The following SPSB1 variants were observed in gnomAD, a reference collection of about 807,000 sequenced individuals.
SPSB1 encodes the protein SPRY domain-containing SOCS box protein 1.
In SPSB1, 8 loss-of-function variants were observed where a neutral mutation model predicts 21.2. The observed-to-expected ratio is 0.38, with a 90% CI of 0.22 to 0.68. The LOEUF (loss-of-function observed/expected upper bound fraction) is 0.68. SPSB1 is among the 30% of genes least tolerant of loss of function. The pLI, the probability that SPSB1 is intolerant of heterozygous loss-of-function variation, is 0.53. For synonymous variants in SPSB1, 169 were observed against 161.7 expected (o/e 1.05, Z -0.34); for missense variants, 242 against 377.8 (o/e 0.64, Z 2.98).
At position 9,367,805 on chromosome 1, in the gene SPSB1, C is replaced by A; in HGVS notation, c.*230C>A. 2 of 623,600 alleles carry A rather than the reference C, an allele frequency of 3.2e-6. No individual in the cohort carries two copies. Among genetic ancestry groups the A allele is most frequent in the Non-Finnish European group, 5.5e-6 (2 of 364,872 alleles). The allele number at this position is 623,600 out of a possible 1,614,324, so 38.6% of individuals were successfully genotyped here. On this transcript the variant is annotated 3_prime_UTR_variant, in exon 3 of 3. Transcript: ENST00000328089. The surrounding 1 kb of genome is among the most constrained non-coding windows in gnomAD (Gnocchi z 5.9). ...AGCAGAAGGCAGCATCCCTGCATGCCGTCCGTATACAACCCCTCTTTGAAA... is the reference window on the plus strand; with the variant it reads ...AGCAGAAGGCAGCATCCCTGCATGCAGTCCGTATACAACCCCTCTTTGAAA...
At chr1:9,339,160 A>G (rs904439791) in intron 1 of SPSB1, 8 of 967,342 alleles carry the variant, frequency 8.3e-6, no homozygotes, top group South Asian at 4.8e-5. Context: ...TCCTGCCCTC[A>G]CCCCTCTTCT....
At chr1:9,358,855 G>A (rs959414429) in intron 2 of SPSB1, among the ~76,000 whole-genome samples, 18 of 152,204 alleles carry the variant, frequency 1.2e-4, no homozygotes, top group African/African-American at 4.3e-4. Flanking sequence ...GAGTGGCTGG[G>A]AGGGGACTGG....
intron 1 of SPSB1, among the ~76,000 whole-genome samples, chr1:9,323,286 G>A (rs1004439042): frequency 1.3e-5 from 2 of 152,252 alleles, no homozygotes; most frequent in East Asian, 1.9e-4. Flanking sequence ...GAGGGGGGCT[G>A]TGGCTCCACT....
In SPSB1 at chr1:9,293,372, C is replaced by G. The variant is rs1302505680; in HGVS notation, c.-150+301C>G. On this transcript the variant is annotated intron_variant, in intron 1 of 2. Transcript: ENST00000328089. This position sits in a 1 kb window ranked among gnomAD's most constrained non-coding sequence, Gnocchi z 5.1. ...CCGGGGCGAGGCGCGGCGGGGGTCT[C>G]GGGGCGCGGGGACCGTCGCAACGAG... Among the ~76,000 whole-genome samples, 1 of 150,008 alleles carries G rather than the reference C, an allele frequency of 6.7e-6. No homozygotes were observed. Among genetic ancestry groups the G allele is most frequent in the East Asian group, 2.0e-4 (1 of 5,014 alleles).
chr1:9,325,889 G>A (rs1194222941), intron 1 of SPSB1, among the ~76,000 whole-genome samples: 1 of 152,152 alleles, frequency 6.6e-6, no homozygotes, highest in African/African-American at 2.4e-5. Context: ...CCAGGCAGAG[G>A]ACTTGGGAAG....
intron 1 of SPSB1, among the ~76,000 whole-genome samples, chr1:9,340,528 T>C (rs1285955557): frequency 6.6e-6 from 1 of 152,192 alleles, no homozygotes; most frequent in Non-Finnish European, 1.5e-5. Context: ...CTTGGGACCA[T>C]GTTAGAAATA....
chr1:9,357,368 G>A (rs1379578891), intron 2 of SPSB1, among the ~76,000 whole-genome samples: 1 of 152,214 alleles, frequency 6.6e-6, no homozygotes, highest in Non-Finnish European at 1.5e-5. Context: ...TAAATGGATA[G>A]ATGGATGAAT....
chr1:9,358,004 G>C (rs1640402575), intron 2 of SPSB1, among the ~76,000 whole-genome samples: 2 of 152,260 alleles, frequency 1.3e-5, no homozygotes, highest in African/African-American at 4.8e-5. Context: ...CACCCTGCAG[G>C]CCAGGCAAGA....
At chr1:9,318,392 C>T (rs147841390) in intron 1 of SPSB1, among the ~76,000 whole-genome samples, 9 of 152,352 alleles carry the variant, frequency 5.9e-5, no homozygotes, top group African/African-American at 9.6e-5. Flanking sequence ...GGCTGCCTTG[C>T]GGACAGACAG....
chr1:9,329,630 T>C (rs1242320267), intron 1 of SPSB1, among the ~76,000 whole-genome samples: 2 of 141,558 alleles, frequency 1.4e-5, no homozygotes, highest in Non-Finnish European at 3.1e-5. Context: ...GATGGGGAGG[T>C]TGCAGTGAGC....
intron 1 of SPSB1, among the ~76,000 whole-genome samples, chr1:9,314,725 C>T (rs935641483): frequency 2.0e-5 from 3 of 152,150 alleles, no homozygotes; most frequent in African/African-American, 7.2e-5. Context: ...TACCTTATTC[C>T]CAGGGGACAC....
intron 1 of SPSB1, among the ~76,000 whole-genome samples, chr1:9,315,005 A>C (rs1639586430): frequency 6.6e-6 from 1 of 152,208 alleles, no homozygotes; most frequent in African/African-American, 2.4e-5. Context: ...CAGACTTTTT[A>C]AGATGTTGGC....
chr1:9,322,237 C>T (rs886602909), intron 1 of SPSB1, among the ~76,000 whole-genome samples: 5 of 152,134 alleles, frequency 3.3e-5, no homozygotes, highest in African/African-American at 7.2e-5. Flanking sequence ...GTACCAGCAT[C>T]GTCTCCTCTA....
intron 1 of SPSB1, among the ~76,000 whole-genome samples, chr1:9,352,074 G>C (rs970666000): frequency 1.3e-5 from 2 of 152,328 alleles, no homozygotes; most frequent in Non-Finnish European, 2.9e-5. Flanking sequence ...GCCTGGGCTG[G>C]GGTGAGGGGG....
At chr1:9,339,283 C>A (rs1344188528) in intron 1 of SPSB1, 1 of 985,272 alleles carries the variant, frequency 1.0e-6, no homozygotes, top group Non-Finnish European at 1.2e-6. Flanking sequence ...ATCTGGGACA[C>A]CCTGAGAATG....
At chr1:9,352,223 C>T (rs989646290) in intron 1 of SPSB1, among the ~76,000 whole-genome samples, 31 of 152,218 alleles carry the variant, frequency 2.0e-4, no homozygotes, top group Non-Finnish European at 8.8e-5. Flanking sequence ...TGGAGCCGAC[C>T]TGGACAGACA....
rs1201170682 is a variant in SPSB1, at chr1:9,355,897, T to G, written c.6T>G (p.Gly2=). 5.3e-5 allele frequency: 82 copies of G among 1,555,974 alleles called. No homozygotes were observed. The highest frequency in any genetic ancestry group is 6.7e-5 in the Non-Finnish European group (77 of 1,149,378). M[G]QKVTGGIKTV... is the part of the protein sequence containing the mutation. Reference sequence around the variant, plus strand: ...AGGTGAAGCCAGGGGCGAACATGGGTCAGAAGGTCACTGGAGGGATCAAGA... The same window carrying G: ...AGGTGAAGCCAGGGGCGAACATGGGGCAGAAGGTCACTGGAGGGATCAAGA... Residue 2 remains glycine (G), a synonymous_variant, in exon 2 of 3, where the codon GGT becomes GGG. Coordinates refer to ENST00000328089, the MANE Select transcript of SPSB1 (RefSeq NM_025106.4).
At position 9,367,581 on chromosome 1, in the gene SPSB1, G is replaced by A. The variant is rs781568490; in HGVS notation, c.*6G>A. The A allele has an allele frequency of 1.6e-5, 26 of 1,600,414 alleles. 1 individual carries two copies. The South Asian group carries it at 2.1e-4, about 13-fold the overall frequency. ...CCTACCTCCTCTACCAGTGACGTTC[G>A]CCATCATACCGCCAGCGCGACAGCC... On this transcript the variant is annotated 3_prime_UTR_variant, in exon 3 of 3. Transcript: ENST00000328089. This position sits in a 1 kb window ranked among gnomAD's most constrained non-coding sequence, Gnocchi z 5.9.
intron 1 of SPSB1, among the ~76,000 whole-genome samples, chr1:9,352,962 G>T (rs1051325206): frequency 6.6e-6 from 1 of 151,870 alleles, no homozygotes; most frequent in African/African-American, 2.4e-5. Context: ...GCGGCAGGGG[G>T]GCTGTGGAGG....
Sources: gnomAD v4.1 joint callset for allele counts (sites outside exome capture counted in the v4.1 genomes callset) on GRCh38, gnomAD v4.1.1 for gene constraint, Gnocchi (gnomAD v3.1) non-coding constraint, MANE v1.5 for transcripts, NCBI Gene and HGNC (gene_info 2026-07-23, HGNC 2026-07-21) for gene names.